The following AGBL4 variants were observed in gnomAD, a reference collection of about 807,000 sequenced individuals.
AGBL4 encodes cytosolic carboxypeptidase 6.
Under a neutral mutation model 66.4 loss-of-function variants are expected in AGBL4, and 58 were observed. The observed-to-expected ratio is 0.87, with a 90% CI of 0.71 to 1.09. AGBL4 has a LOEUF of 1.09. AGBL4 is among the 50% of genes least tolerant of loss of function. The probability of loss-of-function intolerance (pLI) is 0.00; values close to 1 mark genes in which losing one functional copy is unlikely to be tolerated. For missense variants in AGBL4, 579 were observed against 631.0 expected, an observed-to-expected ratio of 0.92 and a Z score of 0.88; for synonymous variants, 234 against 222.9, an observed-to-expected ratio of 1.05 and a Z score of -0.44.
intron 5 of AGBL4, among the ~76,000 whole-genome samples, chr1:48,973,227 A>C (rs1210211133): frequency 1.3e-5 from 2 of 152,148 alleles, no homozygotes; most frequent in East Asian, 3.9e-4. Context: ...TATAATTTTA[A>C]AATGCCAAGC....
At chr1:48,557,491 G>C (rs1370893247) in intron 11 of AGBL4, among the ~76,000 whole-genome samples, 1 of 152,088 alleles carries the variant, frequency 6.6e-6, no homozygotes, top group Non-Finnish European at 1.5e-5. Context: ...CCAGGACCCT[G>C]GAAAAGTGAT....
At chr1:48,741,526 G>A (rs1415150497) in intron 6 of AGBL4, among the ~76,000 whole-genome samples, 1 of 152,236 alleles carries the variant, frequency 6.6e-6, no homozygotes, top group Non-Finnish European at 1.5e-5. Context: ...CTTTGCCTCT[G>A]CAGGGGAGGA....
intron 9 of AGBL4, among the ~76,000 whole-genome samples, chr1:48,608,564 TGGATGGATAGATGGATGGATGGAC>T (rs1459521550): frequency 3.3e-5 from 5 of 151,796 alleles, no homozygotes; most frequent in East Asian, 1.9e-4. Context: ...GATGGATGGA[TGGATGGATAGATGGATGGATGGAC>T]GGATGGATAG....
At chr1:48,744,658 C>A (rs2148605235) in intron 6 of AGBL4, among the ~76,000 whole-genome samples, 1 of 152,274 alleles carries the variant, frequency 6.6e-6, no homozygotes, top group South Asian at 2.1e-4. Context: ...TCAGTTGATT[C>A]TCTCCCATCC....
At chr1:48,656,246 A>T (rs1646018457) in intron 7 of AGBL4, among the ~76,000 whole-genome samples, 3 of 152,116 alleles carry the variant, frequency 2.0e-5, no homozygotes, top group Admixed American at 2.0e-4. Flanking sequence ...TCTCTAGCCA[A>T]ACCTCAACTG....
At chr1:48,565,037 G>A (rs529066767) in intron 11 of AGBL4, among the ~76,000 whole-genome samples, 1 of 152,344 alleles carries the variant, frequency 6.6e-6, no homozygotes, top group East Asian at 1.9e-4. Context: ...TTCACTGTGT[G>A]TAAATAGCTG....
chr1:49,552,000 C>T (rs1652995432), intron 3 of AGBL4, among the ~76,000 whole-genome samples: 1 of 152,076 alleles, frequency 6.6e-6, no homozygotes, highest in Admixed American at 6.5e-5. Flanking sequence ...GGTGAGGTTC[C>T]CAGGTCGATG....
chr1:49,175,588 G>A (rs765485264), intron 4 of AGBL4, among the ~76,000 whole-genome samples: 1 of 151,968 alleles, frequency 6.6e-6, no homozygotes, highest in Non-Finnish European at 1.5e-5. Flanking sequence ...TAAGAACATC[G>A]GAATACAGGT....
Position 49,947,162 on chromosome 1 carries a change from G to C in AGBL4, c.34+76601C>G, listed in dbSNP as rs569482502. Among the ~76,000 whole-genome samples, 3 of 151,992 alleles carry C rather than the reference G, an allele frequency of 2.0e-5. No individual in the cohort carries two copies. In the East Asian group the frequency reaches 5.8e-4, roughly 29 times the overall value. On this transcript the variant is annotated intron_variant, in intron 1 of 13. Coordinates refer to ENST00000371839, the MANE Select transcript of AGBL4 (RefSeq NM_032785.4). ...CCTATTGACACTATTCCACAAGACA[G>C]AGAAAGAGGGATTCCTCCCTAAATC...
chr1:48,558,588 A>G (rs551014626), intron 11 of AGBL4, among the ~76,000 whole-genome samples: 1 of 152,292 alleles, frequency 6.6e-6, no homozygotes, highest in Admixed American at 6.5e-5. Context: ...TGAAACAGGG[A>G]ATTACCCTTA....
At chr1:49,689,230 C>A (rs146269761) in intron 3 of AGBL4, among the ~76,000 whole-genome samples, 4 of 152,182 alleles carry the variant, frequency 2.6e-5, no homozygotes, top group Admixed American at 2.0e-4. Flanking sequence ...TCATTAATCT[C>A]TTTTAATTTA....
chr1:49,854,231 T>C (rs1194515967), intron 1 of AGBL4, among the ~76,000 whole-genome samples: 3 of 151,466 alleles, frequency 2.0e-5, no homozygotes, highest in African/African-American at 4.9e-5. Flanking sequence ...CTAAAACAAG[T>C]AGACAACCAC....
intron 3 of AGBL4, among the ~76,000 whole-genome samples, chr1:49,461,302 C>CT (rs1290925007): frequency 2.0e-5 from 3 of 151,260 alleles, no homozygotes; most frequent in Non-Finnish European, 4.4e-5. Flanking sequence ...ATTTAAAATT[C>CT]TTTTTTTGTC....
At chr1:49,612,787 A>G (rs973215749) in intron 3 of AGBL4, among the ~76,000 whole-genome samples, 1 of 152,216 alleles carries the variant, frequency 6.6e-6, no homozygotes, top group African/African-American at 2.4e-5. Flanking sequence ...GGGAATGTAA[A>G]TTAAATTAGT....
intron 5 of AGBL4, among the ~76,000 whole-genome samples, chr1:48,911,960 A>C (rs1653165248): frequency 6.6e-6 from 1 of 152,172 alleles, no homozygotes; most frequent in South Asian, 2.1e-4. Context: ...CTTCTGTTAT[A>C]AACAATTTCG....
At chr1:49,539,040 C>A (rs1026959854) in intron 3 of AGBL4, among the ~76,000 whole-genome samples, 1 of 151,978 alleles carries the variant, frequency 6.6e-6, no homozygotes, top group East Asian at 1.9e-4. Flanking sequence ...ATAGAAATAA[C>A]CTAACCTAAA....
At chr1:49,088,747 T>C (rs1049176061) in intron 4 of AGBL4, among the ~76,000 whole-genome samples, 2 of 152,080 alleles carry the variant, frequency 1.3e-5, no homozygotes, top group Non-Finnish European at 2.9e-5. Context: ...TTTGACTAAA[T>C]GGGCCTAACA....
rs1644090412 is a variant in AGBL4, at chr1:48,758,782, C to T, written c.635-95541G>A. 4.5e-6 allele frequency: 4 copies of T among 886,964 alleles called. No individual in the cohort carries two copies. The Admixed American group carries it at 1.1e-4, about 24-fold the overall frequency. 54.9% of individuals were successfully genotyped at this position (886,964 alleles called of 1,614,324 possible). On this transcript the variant is annotated intron_variant, in intron 6 of 13. Coordinates refer to ENST00000371839, the MANE Select transcript of AGBL4 (RefSeq NM_032785.4). ...TTGAGGTAACTGGTAAGCCAAGAGT[C>T]TGTCCTTCCCTAGCCTCAGGGCACT...
At chr1:49,594,206 A>C (rs917801600) in intron 3 of AGBL4, among the ~76,000 whole-genome samples, 1 of 152,208 alleles carries the variant, frequency 6.6e-6, no homozygotes, top group Non-Finnish European at 1.5e-5. Context: ...TCAAGGTTCA[A>C]TTGTACGAAA....
Sources: gnomAD v4.1 joint callset for allele counts (sites outside exome capture counted in the v4.1 genomes callset) on GRCh38, gnomAD v4.1.1 for gene constraint, MANE v1.5 for transcripts, NCBI Gene and HGNC (gene_info 2026-07-23, HGNC 2026-07-21) for gene names.